Variants in TMEM39B observed in about 807,000 individuals in gnomAD.
TMEM39B encodes transmembrane protein 39B.
TMEM39B carries 23 observed loss-of-function variants against 52.2 expected under a neutral mutation model. The ratio of observed to expected loss-of-function variants is 0.44; its 90% CI spans 0.32 to 0.62. The LOEUF is 0.62. Ranked by LOEUF, TMEM39B falls within the 20% of genes least tolerant of loss-of-function variation. TMEM39B has a pLI of 0.06. For missense variants in TMEM39B, 547 were observed against 642.0 expected (o/e 0.85, Z 1.60); for synonymous variants, 285 against 264.0 (o/e 1.08, Z -0.77).
intron 4 of TMEM39B, 57 bp from the exon 5 acceptor site, chr1:32,077,107 A>C: frequency 6.3e-7 from 1 of 1,599,566 alleles, no homozygotes; most frequent in Non-Finnish European, 8.5e-7. Context: ...GGATTTGGGC[A>C]CAGCCCCTTC....
At chr1:32,076,728 G>GC in intron 3 of TMEM39B, 35 bp from the exon 4 acceptor site, 1 of 1,609,452 alleles carries the variant, frequency 6.2e-7, no homozygotes, top group East Asian at 2.2e-5. Flanking sequence ...TGGGCAAGGG[G>GC]CCCACATGAC....
At chr1:32,088,820 C>T (rs190888048) in intron 5 of TMEM39B, among the ~76,000 whole-genome samples, 16 of 152,178 alleles carry the variant, frequency 1.1e-4, no homozygotes, top group Non-Finnish European at 1.9e-4. Flanking sequence ...GCCCCCGCCC[C>T]CTCATTACCA....
At chr1:32,075,876 ATG>A (rs1399132010) in intron 3 of TMEM39B, 54 bp downstream of exon 3, 1,193 of 1,094,694 alleles carry the variant, frequency 1.1e-3, no homozygotes, top group Middle Eastern at 1.3e-3. Context: ...GTGTGTGTGT[ATG>A]TGTGTGTGTG....
In TMEM39B at chr1:32,075,585, TTC is replaced by T. The variant is rs1639819678; in HGVS notation, c.132-17_132-16del. The T allele has an allele frequency of 6.5e-7, 1 of 1,541,116 alleles. No homozygotes were observed. The highest frequency in any genetic ancestry group is 1.4e-5 in the African/African-American group (1 of 72,816). ...ATTCTCAGGTCAGCTGCTGATGTTG[TTC>T]CCTCCCCACTGTCAGGAGCAGTTCT... On this transcript the variant is annotated splice_polypyrimidine_tract_variant and intron_variant, in intron 2 of 8. Coordinates refer to ENST00000336294, the MANE Select transcript of TMEM39B (RefSeq NM_018056.4).
intron 5 of TMEM39B, among the ~76,000 whole-genome samples, chr1:32,081,553 G>C (rs937019389): frequency 2.0e-5 from 3 of 152,134 alleles, no homozygotes; most frequent in African/African-American, 7.2e-5. Context: ...TTCAAGACCA[G>C]CCTGGCCATC....
rs1640613312 is a variant in TMEM39B at position 32,091,749 on chromosome 1, C to T, written c.665C>T (p.Ser222Phe). 6 of 1,614,230 alleles carry T rather than the reference C, an allele frequency of 3.7e-6. No individual in the cohort carries two copies. Among genetic ancestry groups the T allele is most frequent in the Middle Eastern group, 1.6e-4 (1 of 6,062 alleles). Residue 222 changes from serine to phenylalanine, a missense_variant, in exon 6 of 9, where the codon TCC becomes TTC. Coordinates refer to ENST00000336294, the MANE Select transcript of TMEM39B (RefSeq NM_018056.4). Reference sequence around the variant, plus strand: ...ACAAGCCTCTTCAACCACATGGCCTCCATGGGGCCCCGGGAGGCGGTCAGT... The same window carrying T: ...ACAAGCCTCTTCAACCACATGGCCTTCATGGGGCCCCGGGAGGCGGTCAGT... ...RKTSLFNHMASMGPREAVSGL... is the reference protein window; with the variant it reads ...RKTSLFNHMAFMGPREAVSGL...
intron 7 of TMEM39B, among the ~76,000 whole-genome samples, chr1:32,095,364 G>A (rs991123565): frequency 2.0e-5 from 3 of 152,200 alleles, no homozygotes; most frequent in African/African-American, 7.2e-5. Context: ...GCCTGTGGAT[G>A]TGCCAGGCAA....
intron 6 of TMEM39B, among the ~76,000 whole-genome samples, chr1:32,094,293 A>G (rs1413571687): frequency 6.8e-6 from 1 of 146,554 alleles, no homozygotes; most frequent in Non-Finnish European, 1.5e-5. Flanking sequence ...CGCCCGGCTA[A>G]TTTTTGTATT....
In TMEM39B at chr1:32,082,684, A is replaced by G. The variant is rs577500026; in HGVS notation, c.590+5366A>G. Reference sequence around the variant, plus strand: ...TTTGCCAGGCTGGTCTCGAACTCCCAACCTCAAGTGATCCATTCATCTTGG... The same window carrying G: ...TTTGCCAGGCTGGTCTCGAACTCCCGACCTCAAGTGATCCATTCATCTTGG... On this transcript the variant is annotated intron_variant, in intron 5 of 8. Transcript: ENST00000336294. 2.6e-5 allele frequency among the ~76,000 whole-genome samples: 4 copies of G among 151,612 alleles called. No homozygotes were observed. In the South Asian group the frequency reaches 8.4e-4, roughly 32 times the overall value.
intron 5 of TMEM39B, among the ~76,000 whole-genome samples, chr1:32,085,750 CA>C (rs113814805): frequency 3.3e-3 from 426 of 127,628 alleles, no homozygotes; most frequent in African/African-American, 4.3e-3. Flanking sequence ...GACTCTGTCT[CA>C]AAAAAAAAAA....
chr1:32,094,658 G>A (rs955586782), intron 6 of TMEM39B, 126 bp from the exon 7 acceptor site: 3 of 1,044,340 alleles, frequency 2.9e-6, no homozygotes, highest in Non-Finnish European at 4.2e-6. Flanking sequence ...TTTGATTCTT[G>A]GTTTCAGGCT....
chr1:32,083,452 C>T (rs943733902), intron 5 of TMEM39B, among the ~76,000 whole-genome samples: 14 of 99,530 alleles, frequency 1.4e-4, no homozygotes, highest in Admixed American at 1.6e-4. Flanking sequence ...GATGGAGATT[C>T]GCCGTTGTTG....
chr1:32,087,347 G>T (rs1640400246), intron 5 of TMEM39B, among the ~76,000 whole-genome samples: 1 of 146,308 alleles, frequency 6.8e-6, no homozygotes, highest in Non-Finnish European at 1.5e-5. Context: ...AAAAAGGCCG[G>T]GTGCGGTGGC....
At position 32,102,547 on chromosome 1, in the gene TMEM39B, G is replaced by A. The variant is rs202046294; in HGVS notation, c.1353G>A (p.Ser451=). 16 of 1,614,006 alleles carry A rather than the reference G, an allele frequency of 9.9e-6. No homozygotes were observed. Among genetic ancestry groups the A allele is most frequent in the East Asian group, 2.2e-5 (1 of 44,892 alleles). ...MSSEKWHQTI[S]LALILFSNYY... is the part of the protein sequence containing the mutation. ...CTGAAAAGTGGCACCAGACCATCTCGCTGGCCCTCATCCTCTTCAGCAACT... is the reference window on the plus strand; with the variant it reads ...CTGAAAAGTGGCACCAGACCATCTCACTGGCCCTCATCCTCTTCAGCAACT... Residue 451 remains serine (S), a synonymous_variant, in exon 9 of 9, where the codon TCG becomes TCA. Coordinates refer to ENST00000336294, the MANE Select transcript of TMEM39B (RefSeq NM_018056.4).
At chr1:32,100,743 C>A in intron 8 of TMEM39B, 181 bp downstream of exon 8, 1 of 809,840 alleles carries the variant, frequency 1.2e-6, no homozygotes, top group Non-Finnish European at 1.9e-6. Context: ...AACTGCAGCT[C>A]GGCCGGGCAT....
At chr1:32,077,397 G>A in intron 5 of TMEM39B, 79 bp downstream of exon 5, 1 of 1,543,170 alleles carries the variant, frequency 6.5e-7, no homozygotes, top group Non-Finnish European at 8.9e-7. Context: ...GGCTCACCAG[G>A]CCTCCATATC....
chr1:32,079,684 C>G (rs1413165523), intron 5 of TMEM39B, among the ~76,000 whole-genome samples: 1 of 152,116 alleles, frequency 6.6e-6, no homozygotes, highest in African/African-American at 2.4e-5. Flanking sequence ...TGGGCATGCG[C>G]CATCATGACC....
intron 6 of TMEM39B, among the ~76,000 whole-genome samples, chr1:32,093,399 CTTTTT>C (rs34793281): frequency 2.0e-5 from 1 of 50,334 alleles, no homozygotes; most frequent in Admixed American, 3.0e-4. Flanking sequence ...AAGCCCGGCC[CTTTTT>C]TTTTTTTTTT....
intron 5 of TMEM39B, 29 bp from the exon 6 acceptor site, chr1:32,091,646 C>T: frequency 6.4e-7 from 1 of 1,560,436 alleles, no homozygotes; most frequent in Non-Finnish European, 8.7e-7. Flanking sequence ...CATGGGCAGG[C>T]CTTCCCTCAC....
Sources: allele counts gnomAD v4.1 joint callset (sites outside exome capture counted in the v4.1 genomes callset), GRCh38; gene constraint gnomAD v4.1.1; transcripts MANE v1.5; gene names NCBI Gene and HGNC (gene_info 2026-07-23, HGNC 2026-07-21).